Variants in SRSF5 observed in about 807,000 individuals in gnomAD.
The protein encoded by SRSF5 is serine/arginine-rich splicing factor 5.
SRSF5 carries 5 observed loss-of-function variants against 34.0 expected under a neutral mutation model. That is an observed-to-expected ratio of 0.15 (90% CI 0.08 to 0.31). The LOEUF is 0.31. SRSF5 is among the 10% of genes least tolerant of loss of function. The pLI is 1.00. For missense variants in SRSF5, 223 were observed against 351.4 expected (o/e 0.63, Z 2.92); for synonymous variants, 164 against 117.7 (o/e 1.39, Z -2.55).
chr14:69,767,427 A>G (rs537140924), intron 1 of SRSF5, 172 bp downstream of exon 1: 2 of 455,636 alleles, frequency 4.4e-6, no homozygotes, highest in Non-Finnish European at 8.8e-6. Flanking sequence ...TTTGAGGGGT[A>G]CTGAGGTGAA....
At chr14:69,769,956 G>A in intron 5 of SRSF5, 1 of 1,060,884 alleles carries the variant, frequency 9.4e-7, no homozygotes, top group South Asian at 3.7e-5. Flanking sequence ...AGTGGGTGGC[G>A]AAGAGCCAGT....
At chr14:69,767,756 C>T (rs1461930128) in intron 1 of SRSF5, 3 of 354,354 alleles carry the variant, frequency 8.5e-6, no homozygotes, top group Non-Finnish European at 1.7e-5. Flanking sequence ...TGGCTTCCAC[C>T]CGCTGTGACG....
At chr14:69,769,475 A>T (rs1882961361) in intron 5 of SRSF5, 1 of 1,534,542 alleles carries the variant, frequency 6.5e-7, no homozygotes, top group Non-Finnish European at 8.7e-7. Context: ...TTTTAAAATC[A>T]ATTTTTAACC....
intron 1 of SRSF5, chr14:69,767,869 A>G: frequency 2.4e-6 from 1 of 410,434 alleles, no homozygotes; most frequent in South Asian, 2.1e-5. Flanking sequence ...GGGGCCGGAG[A>G]GCCCGGAGAG....
chr14:69,768,086 G>A (rs1882752880), intron 1 of SRSF5, 52 bp from the exon 2 acceptor site: 13 of 1,591,940 alleles, frequency 8.2e-6, no homozygotes, highest in South Asian at 6.7e-5. Context: ...TTAATCAGGC[G>A]TTTCTCTGTG....
chr14:69,771,133 T>A, intron 7 of SRSF5, 28 bp downstream of exon 7: 1 of 1,612,990 alleles, frequency 6.2e-7, no homozygotes, highest in African/African-American at 1.3e-5. Context: ...AAGTCAAAAG[T>A]TGTATTTAAT....
chr14:69,771,669 G>A lies in SRSF5; in HGVS notation c.*208G>A, dbSNP rs1883226167. ...AATTGTATTAAATGTCTTTTGATAA[G>A]CCTTCTGCTCACATTTTTGTGAATG... is the stretch of plus-strand genomic sequence containing the variant. On this transcript the variant is annotated 3_prime_UTR_variant, in exon 8 of 8. Coordinates refer to ENST00000557154, the MANE Select transcript of SRSF5 (RefSeq NM_001320214.2). The A allele has an allele frequency of 1.7e-6, 1 of 589,252 alleles. No individual in the cohort carries two copies. The highest frequency in any genetic ancestry group is 3.4e-5 in the Admixed American group (1 of 29,156). 36.5% of individuals were successfully genotyped at this position (589,252 alleles called of 1,614,324 possible).
chr14:69,767,914 C>T (rs1882724088), intron 1 of SRSF5: 2 of 487,942 alleles, frequency 4.1e-6, no homozygotes, highest in Non-Finnish European at 7.5e-6. Flanking sequence ...TGGCAGTGGG[C>T]GTTGCGGTTG....
intron 6 of SRSF5, 71 bp from the exon 7 acceptor site, chr14:69,770,920 TTACC>T (rs1432236468): frequency 1.5e-5 from 20 of 1,291,022 alleles, no homozygotes; most frequent in Non-Finnish European, 2.2e-5. Flanking sequence ...TAGAAACGAC[TTACC>T]TAGACTGCTG....
At position 69,769,783 on chromosome 14, in the gene SRSF5, A is replaced by G. The variant is rs116915685; in HGVS notation, c.366+532A>G. On this transcript the variant is annotated intron_variant, in intron 5 of 7. Transcript: ENST00000557154. ...CGCTTCCGAATAAGAGGTCCGGTCG[A>G]AAAGAGTTGAAAGATACGAAATTAG... 5.1e-5 allele frequency: 69 copies of G among 1,354,924 alleles called. No homozygotes were observed. In the Admixed American group the frequency reaches 6.3e-4, roughly 12 times the overall value. The allele number at this position is 1,354,924 out of a possible 1,614,324, so 83.9% of individuals were successfully genotyped here.
At chr14:69,767,981 T>G (rs1190287221) in intron 1 of SRSF5, 157 bp from the exon 2 acceptor site, 2 of 749,148 alleles carry the variant, frequency 2.7e-6, no homozygotes, top group Admixed American at 2.9e-5. Context: ...TTTCATTTTG[T>G]CTGCAGGTAA....
rs1883227707 is a variant in SRSF5, at chr14:69,771,677, C to T, written c.*216C>T. Reference sequence around the variant, plus strand: ...TAAATGTCTTTTGATAAGCCTTCTGCTCACATTTTTGTGAATGTCTGAAGT... The same window carrying T: ...TAAATGTCTTTTGATAAGCCTTCTGTTCACATTTTTGTGAATGTCTGAAGT... On this transcript the variant is annotated 3_prime_UTR_variant, in exon 8 of 8. Coordinates refer to ENST00000557154, the MANE Select transcript of SRSF5 (RefSeq NM_001320214.2). 1.8e-6 allele frequency: 1 copy of T among 570,230 alleles called. No homozygotes were observed. The highest frequency in any genetic ancestry group is 3.0e-6 in the Non-Finnish European group (1 of 331,306). The allele number at this position is 570,230 out of a possible 1,614,324, so 35.3% of individuals were successfully genotyped here.
At chr14:69,770,649 G>T in intron 6 of SRSF5, 109 bp downstream of exon 6, 1 of 1,068,610 alleles carries the variant, frequency 9.4e-7, no homozygotes, top group Non-Finnish European at 1.4e-6. Flanking sequence ...AGATTCTCCA[G>T]AGACAATTTT....
At position 69,767,157 on chromosome 14, in the gene SRSF5, G is replaced by C. The variant is rs554968403; in HGVS notation, c.-118G>C. The C allele has an allele frequency of 2.9e-6, 1 of 341,606 alleles. No individual in the cohort carries two copies. Among genetic ancestry groups the C allele is most frequent in the South Asian group, 2.2e-5 (1 of 45,094 alleles). The allele number at this position is 341,606 out of a possible 1,614,324, so 21.2% of individuals were successfully genotyped here. A position where few individuals can be genotyped will look rare whatever the true frequency, so the allele number is the denominator to read the frequency against. On this transcript the variant is annotated 5_prime_UTR_variant, in exon 1 of 8. Transcript: ENST00000557154. ...TGCTAAGTGCGTCAGTTGTGGAGTG[G>C]CGTAGACGAGTTAAGTCCTGGTCTG...
intron 5 of SRSF5, 133 bp downstream of exon 5, chr14:69,769,384 TAATTA>T (rs1882953573): frequency 4.7e-6 from 7 of 1,496,276 alleles, no homozygotes; most frequent in Admixed American, 4.5e-5. Context: ...TTTAAACATT[TAATTA>T]AATGTAATTT....
chr14:69,767,990 A>G (rs980017125), intron 1 of SRSF5, 148 bp from the exon 2 acceptor site: 1 of 828,206 alleles, frequency 1.2e-6, no homozygotes, highest in Admixed American at 2.7e-5. Context: ...GTCTGCAGGT[A>G]ACCTGGCCTC....
chr14:69,767,491 C>T (rs770640099), intron 1 of SRSF5: 1 of 455,986 alleles, frequency 2.2e-6, no homozygotes, highest in Non-Finnish European at 4.4e-6. Flanking sequence ...CCCGTCCCTG[C>T]CAGTCTTAAT....
intron 5 of SRSF5, chr14:69,769,467 T>C: frequency 1.3e-6 from 2 of 1,534,788 alleles, no homozygotes; most frequent in Non-Finnish European, 1.7e-6. Flanking sequence ...TTCTTGTTTT[T>C]TAAAATCAAT....
intron 6 of SRSF5, 32 bp from the exon 7 acceptor site, chr14:69,770,963 T>C (rs762540394): frequency 1.3e-6 from 2 of 1,577,198 alleles, no homozygotes; most frequent in African/African-American, 1.4e-5. Context: ...ACAGGATGTA[T>C]ATACTTTAAA....
Sources: gnomAD v4.1 joint callset for allele counts on GRCh38, gnomAD v4.1.1 for gene constraint, MANE v1.5 for transcripts, NCBI Gene and HGNC (gene_info 2026-07-23, HGNC 2026-07-21) for gene names.